Variants in ADAMTSL1 observed in about 807,000 individuals in gnomAD.
ADAMTSL1 encodes ADAMTS-like protein 1.
ADAMTSL1 carries 126 observed loss-of-function variants against 201.8 expected under a neutral mutation model. The ratio of observed to expected loss-of-function variants is 0.62; its 90% CI spans 0.54 to 0.72. The LOEUF (loss-of-function observed/expected upper bound fraction) is 0.72. Ranked by LOEUF, ADAMTSL1 falls within the 30% of genes least tolerant of loss-of-function variation. The probability of loss-of-function intolerance (pLI) is 0.00; values close to 1 mark genes in which losing one functional copy is unlikely to be tolerated. For synonymous variants in ADAMTSL1, 1,121 were observed against 903.4 expected, an observed-to-expected ratio of 1.24 and a Z score of -4.32; for missense variants, 2,679 against 2,277.8, an observed-to-expected ratio of 1.18 and a Z score of -3.59.
intron 1 of ADAMTSL1, among the ~76,000 whole-genome samples, chr9:17,942,844 G>A: frequency 6.6e-6 from 1 of 152,134 alleles, no homozygotes; most frequent in African/African-American, 2.4e-5. Flanking sequence ...ACTGGTATGG[G>A]AATATTTCAG....
At chr9:17,918,038 T>G (rs768299576) in intron 1 of ADAMTSL1, among the ~76,000 whole-genome samples, 1 of 151,958 alleles carries the variant, frequency 6.6e-6, no homozygotes, top group Non-Finnish European at 1.5e-5. Flanking sequence ...TGATATTGGT[T>G]ATTCTTTCTT....
At chr9:18,564,171 G>T (rs184850627) in intron 3 of ADAMTSL1, among the ~76,000 whole-genome samples, 2 of 152,192 alleles carry the variant, frequency 1.3e-5, no homozygotes, top group Non-Finnish European at 2.9e-5. Context: ...CCTGGTCTGC[G>T]CATTGCAAAG....
At chr9:17,946,793 A>G (rs1827505617) in intron 1 of ADAMTSL1, among the ~76,000 whole-genome samples, 1 of 152,146 alleles carries the variant, frequency 6.6e-6, no homozygotes, top group Non-Finnish European at 1.5e-5. Context: ...CTTCCTGTTT[A>G]TAAGCTGTGG....
upstream of ADAMTSL1, among the ~76,000 whole-genome samples, chr9:18,469,751 C>G (rs1821135378): frequency 6.6e-6 from 1 of 152,250 alleles, no homozygotes; most frequent in African/African-American, 2.4e-5. Context: ...TGCTCTGTAG[C>G]CATTTTTACA....
intron 2 of ADAMTSL1, among the ~76,000 whole-genome samples, chr9:18,339,973 C>T (rs547122519): frequency 1.1e-4 from 17 of 152,268 alleles, no homozygotes; most frequent in African/African-American, 2.9e-4. Context: ...TTCCCCTTCC[C>T]GCATTACTAA....
chr9:17,986,528 G>C (rs144869328), intron 1 of ADAMTSL1, among the ~76,000 whole-genome samples: 3 of 152,186 alleles, frequency 2.0e-5, no homozygotes, highest in Non-Finnish European at 2.9e-5. Flanking sequence ...GTAAAGAAGT[G>C]TCTTTTCCAT....
chr9:18,287,650 C>CATACATAAAT (rs1554650486), intron 2 of ADAMTSL1, among the ~76,000 whole-genome samples: 1 of 139,816 alleles, frequency 7.2e-6, no homozygotes, highest in African/African-American at 2.6e-5. Flanking sequence ...TATGTGTATA[C>CATACATAAAT]ATATACACAT....
intron 5 of ADAMTSL1, among the ~76,000 whole-genome samples, chr9:18,624,466 TC>T (rs1826234757): frequency 1.3e-5 from 2 of 152,360 alleles, no homozygotes; most frequent in South Asian, 4.1e-4. Flanking sequence ...TCTAATTATT[TC>T]TGGCATGTAA....
intron 23 of ADAMTSL1, among the ~76,000 whole-genome samples, chr9:18,881,878 C>G (rs1828556850): frequency 1.3e-5 from 2 of 152,158 alleles, no homozygotes; most frequent in African/African-American, 2.4e-5. Context: ...CGAAGCATCT[C>G]TACCCTATTC....
chr9:18,290,823 C>T (rs1833228690), intron 2 of ADAMTSL1, among the ~76,000 whole-genome samples: 1 of 149,768 alleles, frequency 6.7e-6, no homozygotes, highest in South Asian at 2.1e-4. Context: ...GCTCTGTCGC[C>T]CAGGCTGGAG....
At chr9:17,940,553 T>A (rs1389279402) in intron 1 of ADAMTSL1, among the ~76,000 whole-genome samples, 3 of 151,458 alleles carry the variant, frequency 2.0e-5, no homozygotes, top group Non-Finnish European at 2.9e-5. Flanking sequence ...ACCTGTTGAG[T>A]TGGAATTGGC....
chr9:18,647,980 A>G (rs988081634), intron 7 of ADAMTSL1, among the ~76,000 whole-genome samples: 1 of 149,830 alleles, frequency 6.7e-6, no homozygotes, highest in African/African-American at 2.4e-5. Context: ...TAATGTTGAC[A>G]GTGGGGTGTT....
chr9:18,830,035 A>G, intron 23 of ADAMTSL1, 58 bp downstream of exon 23: 1 of 1,548,250 alleles, frequency 6.5e-7, no homozygotes, highest in Non-Finnish European at 8.7e-7. Flanking sequence ...GGATTTATGG[A>G]TGGGTGACTG....
intron 22 of ADAMTSL1, among the ~76,000 whole-genome samples, chr9:18,829,598 G>A (rs1433319634): frequency 6.6e-6 from 1 of 152,012 alleles, no homozygotes; most frequent in African/African-American, 2.4e-5. Context: ...CCCTGAACTT[G>A]GTATGCCTGC....
intron 1 of ADAMTSL1, among the ~76,000 whole-genome samples, chr9:18,041,644 G>T (rs1821429750): frequency 6.6e-6 from 1 of 152,086 alleles, no homozygotes; most frequent in Non-Finnish European, 1.5e-5. Flanking sequence ...AGGTTACTTG[G>T]AATTAATTTG....
intron 1 of ADAMTSL1, among the ~76,000 whole-genome samples, chr9:18,084,327 G>T (rs1487532768): frequency 1.3e-5 from 2 of 151,928 alleles, no homozygotes; most frequent in African/African-American, 4.8e-5. Flanking sequence ...TTAGAGACCA[G>T]CCTGGTCAAC....
intron 2 of ADAMTSL1, among the ~76,000 whole-genome samples, chr9:18,463,615 G>A (rs967830031): frequency 6.6e-6 from 1 of 151,978 alleles, no homozygotes; most frequent in African/African-American, 2.4e-5. Flanking sequence ...ACTACTCTAG[G>A]TACCTCAAAT....
chr9:18,684,867 C>G, intron 13 of ADAMTSL1, 67 bp downstream of exon 13: 1 of 1,537,258 alleles, frequency 6.5e-7, no homozygotes, highest in Non-Finnish European at 8.8e-7. Context: ...CAGTGTCTCA[C>G]TGGTTGTAGC....
intron 2 of ADAMTSL1, among the ~76,000 whole-genome samples, chr9:18,525,522 T>C (rs1818981916): frequency 6.6e-6 from 1 of 152,210 alleles, no homozygotes; most frequent in Non-Finnish European, 1.5e-5. Context: ...CTAGTTCTTT[T>C]AATTGTGATG....
Sources: gnomAD v4.1 joint callset for allele counts (sites outside exome capture counted in the v4.1 genomes callset) on GRCh38, gnomAD v4.1.1 for gene constraint, MANE v1.5 for transcripts, NCBI Gene and HGNC (gene_info 2026-07-23, HGNC 2026-07-21) for gene names.